Variants in DNAAF9 observed in about 807,000 individuals in gnomAD.
DNAAF9 encodes the protein shulin.
DNAAF9 carries 90 observed loss-of-function variants against 167.0 expected under a neutral mutation model. The ratio of observed to expected loss-of-function variants is 0.54; its 90% CI spans 0.45 to 0.64. The LOEUF is 0.64. Ranked by LOEUF, DNAAF9 falls within the 30% of genes least tolerant of loss-of-function variation. The pLI is 0.00. For synonymous variants in DNAAF9, 491 were observed against 508.8 expected (o/e 0.96, Z 0.47); for missense variants, 1,315 against 1,442.2 (o/e 0.91, Z 1.43).
chr20:3,299,718 T>A (rs1401710535), intron 21 of DNAAF9, among the ~76,000 whole-genome samples: 1 of 152,216 alleles, frequency 6.6e-6, no homozygotes, highest in Non-Finnish European at 1.5e-5. Flanking sequence ...TCTCCATGGG[T>A]CTAGTCCACT....
At chr20:3,332,453 A>AT in intron 10 of DNAAF9, 92 bp from the exon 11 acceptor site, 8 of 664,718 alleles carry the variant, frequency 1.2e-5, no homozygotes, top group Middle Eastern at 3.0e-4. Flanking sequence ...ATGGAAATAA[A>AT]TTTTCTTTTT....
chr20:3,374,155 C>T lies in DNAAF9; in HGVS notation c.506-1G>A. On this transcript the variant is annotated splice_acceptor_variant, in intron 5 of 36. Transcript: ENST00000252032. LOFTEE classifies it high-confidence loss of function. Reference sequence around the variant, plus strand: ...AACATATCAAATATCTGCAAGTGACCTAGAAGAATCAAATACAACAACACA... The same window carrying T: ...AACATATCAAATATCTGCAAGTGACTTAGAAGAATCAAATACAACAACACA... The T allele has an allele frequency of 1.3e-6, 2 of 1,592,536 alleles. No individual in the cohort carries two copies. Among genetic ancestry groups the T allele is most frequent in the Non-Finnish European group, 1.7e-6 (2 of 1,160,508 alleles).
In DNAAF9 at chr20:3,252,610, G is replaced by A. The variant is rs1289871771; in HGVS notation, c.3496C>T (p.Gln1166Ter). The part of the protein sequence containing the change: ...EIEKYNQELE[Q>*]QEYHDLFELK... Reference sequence around the variant, plus strand: ...TCAAAGAGGTCATGATACTCCTGCTGTTCCAGCTCCTGGTTATACTTCTCA... The same window carrying A: ...TCAAAGAGGTCATGATACTCCTGCTATTCCAGCTCCTGGTTATACTTCTCA... Residue 1166 changes from glutamine to a stop codon, truncating the protein, a stop_gained, in exon 37 of 37, where the codon CAG becomes TAG. Transcript: ENST00000252032. LOFTEE classifies it high-confidence loss of function. 1 of 1,612,430 alleles carries A rather than the reference G, an allele frequency of 6.2e-7. No individual in the cohort carries two copies. The highest frequency in any genetic ancestry group is 1.3e-5 in the African/African-American group (1 of 75,010).
intron 6 of DNAAF9, among the ~76,000 whole-genome samples, chr20:3,366,908 C>T (rs979250039): frequency 4.0e-5 from 6 of 149,172 alleles, no homozygotes; most frequent in African/African-American, 7.4e-5. Context: ...CTGGGCAACA[C>T]GGTGAGACTC....
intron 16 of DNAAF9, among the ~76,000 whole-genome samples, chr20:3,320,934 T>C (rs1029472263): frequency 6.6e-6 from 1 of 152,186 alleles, no homozygotes; most frequent in African/African-American, 2.4e-5. Flanking sequence ...GAATCTTGGC[T>C]AGATATGTAC....
At chr20:3,283,708 G>A (rs1265564832) in intron 27 of DNAAF9, among the ~76,000 whole-genome samples, 3 of 152,220 alleles carry the variant, frequency 2.0e-5, no homozygotes, top group African/African-American at 4.8e-5. Context: ...AACTCTTACA[G>A]TTAATGTGAA....
intron 7 of DNAAF9, among the ~76,000 whole-genome samples, chr20:3,358,214 A>G (rs905761830): frequency 1.3e-5 from 2 of 151,892 alleles, no homozygotes; most frequent in Admixed American, 6.6e-5. Flanking sequence ...CTTGAGGGGA[A>G]GTCTATTAAC....
intron 10 of DNAAF9, among the ~76,000 whole-genome samples, chr20:3,336,207 T>C (rs2069939187): frequency 6.6e-6 from 1 of 151,636 alleles, no homozygotes; most frequent in South Asian, 2.1e-4. Flanking sequence ...TTAATCCTGT[T>C]TGAGGTTCAC....
intron 4 of DNAAF9, among the ~76,000 whole-genome samples, chr20:3,375,777 G>T (rs2083567374): frequency 1.3e-5 from 2 of 152,072 alleles, no homozygotes; most frequent in South Asian, 4.1e-4. Flanking sequence ...GAACCTGGGA[G>T]GTCGAGGTTG....
At chr20:3,268,515 GACAGGGTTTC>G (rs1454555079) in intron 30 of DNAAF9, among the ~76,000 whole-genome samples, 2 of 152,120 alleles carry the variant, frequency 1.3e-5, no homozygotes, top group African/African-American at 4.8e-5. Flanking sequence ...TTTTAGTAGA[GACAGGGTTTC>G]ACCATGTTGG....
chr20:3,305,785 G>C (rs766326992), intron 20 of DNAAF9, among the ~76,000 whole-genome samples: 8 of 152,192 alleles, frequency 5.3e-5, no homozygotes, highest in Non-Finnish European at 1.0e-4. Context: ...GGAAGAACCA[G>C]ATGCCCCGTC....
At chr20:3,385,174 A>C (rs1315229882) in intron 1 of DNAAF9, among the ~76,000 whole-genome samples, 1 of 151,788 alleles carries the variant, frequency 6.6e-6, no homozygotes, top group Non-Finnish European at 1.5e-5. Flanking sequence ...GAGCATGTCT[A>C]CTCTCATTAT....
intron 25 of DNAAF9, among the ~76,000 whole-genome samples, chr20:3,291,864 C>T (rs1296037681): frequency 1.3e-5 from 2 of 152,136 alleles, no homozygotes; most frequent in Non-Finnish European, 2.9e-5. Context: ...TCAGGCAGTA[C>T]TCCATGTTTA....
Position 3,374,062 on chromosome 20 carries a change from T to TA in DNAAF9, c.597dup (p.Thr200TyrfsTer5), listed in dbSNP as rs1221445330. On this transcript the variant is annotated frameshift_variant, in exon 6 of 37. Transcript: ENST00000252032. LOFTEE classifies it high-confidence loss of function. The stretch of plus-strand genomic sequence containing the variant: ...TTCATACATACCTCATATTTCATGG[T>TA]AAAAAATCCATCCCCTCCAATGCCC... The TA allele has an allele frequency of 1.2e-6, 2 of 1,609,466 alleles. No individual in the cohort carries two copies. Among genetic ancestry groups the TA allele is most frequent in the Non-Finnish European group, 1.7e-6 (2 of 1,175,786 alleles).
chr20:3,347,044 A>G (rs937577463), intron 8 of DNAAF9, among the ~76,000 whole-genome samples: 4 of 152,170 alleles, frequency 2.6e-5, no homozygotes, highest in Admixed American at 2.0e-4. Flanking sequence ...AGAAACATGA[A>G]GAAAACTACA....
At chr20:3,300,294 T>A (rs2069161676) in intron 21 of DNAAF9, among the ~76,000 whole-genome samples, 1 of 149,374 alleles carries the variant, frequency 6.7e-6, no homozygotes, top group South Asian at 2.1e-4. Context: ...GTCTTAATAG[T>A]AAGTCTTCTG....
rs183270024 is a variant in DNAAF9 at position 3,307,732 on chromosome 20, T to C, written c.1679-3189A>G. Among the ~76,000 whole-genome samples the C allele has an allele frequency of 3.2e-4, 48 of 152,178 alleles. No individual in the cohort carries two copies. The East Asian group carries it at 8.5e-3, about 27-fold the overall frequency. ...TGTCTTTGATTGAGCTCTGTATCCC[T>C]GGAAGTCCAACAAAAGAGGGATGGG... On this transcript the variant is annotated intron_variant, in intron 20 of 36. Coordinates refer to ENST00000252032, the MANE Select transcript of DNAAF9 (RefSeq NM_001009984.3).
chr20:3,287,016 C>T (rs1007109032), intron 27 of DNAAF9, among the ~76,000 whole-genome samples: 7 of 152,326 alleles, frequency 4.6e-5, no homozygotes, highest in African/African-American at 1.7e-4. Context: ...CTCCTTTCAG[C>T]CAGGGTCCCC....
intron 1 of DNAAF9, among the ~76,000 whole-genome samples, chr20:3,387,144 A>G (rs867473480): frequency 2.6e-5 from 4 of 152,228 alleles, no homozygotes; most frequent in South Asian, 2.1e-4. Flanking sequence ...TGTTTTTTAC[A>G]GAAGTAGAAA....
Sources: gnomAD v4.1 joint callset for allele counts (sites outside exome capture counted in the v4.1 genomes callset) on GRCh38, gnomAD v4.1.1 for gene constraint, MANE v1.5 for transcripts, NCBI Gene and HGNC (gene_info 2026-07-23, HGNC 2026-07-21) for gene names.